Variants in WDR5B observed in about 807,000 individuals in gnomAD.
WDR5B encodes WD repeat-containing protein 5B.
A neutral mutation model predicts 24.0 loss-of-function variants in WDR5B; 17 were observed. The ratio of observed to expected loss-of-function variants is 0.71; its 90% CI spans 0.49 to 1.06. The LOEUF is 1.06. WDR5B is among the 50% of genes least tolerant of loss of function. WDR5B has a pLI of 0.00. For synonymous variants in WDR5B, 150 were observed against 146.4 expected, an observed-to-expected ratio of 1.02 and a Z score of -0.18; for missense variants, 368 against 384.1, an observed-to-expected ratio of 0.96 and a Z score of 0.35.
In WDR5B at chr3:122,415,537, A is replaced by G; in HGVS notation, c.-9T>C. The G allele has an allele frequency of 6.2e-7, 1 of 1,602,804 alleles. No individual in the cohort carries two copies. The highest frequency in any genetic ancestry group is 1.7e-5 in the Admixed American group (1 of 58,580). On this transcript the variant is annotated 5_prime_UTR_variant, in exon 1 of 1. Coordinates refer to ENST00000330689, the MANE Select transcript of WDR5B (RefSeq NM_019069.4). ...GACTCCTTGGTTGCCATGGCTCTGAAGCTCCAAGTTAGCAGGTGTACTAGG... is the reference window on the plus strand; with the variant it reads ...GACTCCTTGGTTGCCATGGCTCTGAGGCTCCAAGTTAGCAGGTGTACTAGG...
In WDR5B at chr3:122,411,982, G is replaced by A. The variant is rs1307071971; in HGVS notation, c.*2554C>T. 3 of 152,054 alleles carry A rather than the reference G, an allele frequency of 2.0e-5. No homozygotes were observed. Among genetic ancestry groups the A allele is most frequent in the African/African-American group, 7.2e-5 (3 of 41,390 alleles). The allele number at this position is 152,054 out of a possible 1,614,324, so 9.4% of individuals were successfully genotyped here. On this transcript the variant is annotated 3_prime_UTR_variant, in exon 1 of 1. Coordinates refer to ENST00000330689, the MANE Select transcript of WDR5B (RefSeq NM_019069.4). ...TAACATATAGTGACTATCTCTTTAT[G>A]GGTTAAATATCAGTTTCTTGGCCAG...
At position 122,415,151 on chromosome 3, in the gene WDR5B, A is replaced by T; in HGVS notation, c.378T>A (p.Asn126Lys). Residue 126 changes from asparagine (N) to lysine (K), a missense_variant, in exon 1 of 1, where the codon AAT becomes AAA. Asn to Lys is a moderately conservative substitution (Grantham distance 94, BLOSUM62 0). Coordinates refer to ENST00000330689, the MANE Select transcript of WDR5B (RefSeq NM_019069.4). The stretch of plus-strand genomic sequence containing the variant: ...GATTGAAGTTACAACAAAAGACATA[A>T]TTACTGTGCCCCTTCAGTGTTTTCA... ...KCLKTLKGHSNYVFCCNFNPP... is the reference protein window; with the variant it reads ...KCLKTLKGHSKYVFCCNFNPP... 6.2e-7 allele frequency: 1 copy of T among 1,614,218 alleles called. No individual in the cohort carries two copies. Among genetic ancestry groups the T allele is most frequent in the South Asian group, 1.1e-5 (1 of 91,088 alleles).
In WDR5B at chr3:122,414,325, C is replaced by T. The variant is rs980802773; in HGVS notation, c.*211G>A. ...AAGTGACATAAATCCATAAAAATTA[C>T]AAAAAGTTGCTCAAAAAAGATTGGT... On this transcript the variant is annotated 3_prime_UTR_variant, in exon 1 of 1. Coordinates refer to ENST00000330689, the MANE Select transcript of WDR5B (RefSeq NM_019069.4). 3 of 642,352 alleles carry T rather than the reference C, an allele frequency of 4.7e-6. No individual in the cohort carries two copies. Among genetic ancestry groups the T allele is most frequent in the Non-Finnish European group, 7.7e-6 (3 of 388,176 alleles). The allele number at this position is 642,352 out of a possible 1,614,324, so 39.8% of individuals were successfully genotyped here.
At position 122,412,148 on chromosome 3, in the gene WDR5B, A is replaced by C. The variant is rs1435306770; in HGVS notation, c.*2388T>G. 6.6e-6 allele frequency: 1 copy of C among 152,182 alleles called. No individual in the cohort carries two copies. The highest frequency in any genetic ancestry group is 6.5e-5 in the Admixed American group (1 of 15,274). 9.4% of individuals were successfully genotyped at this position (152,182 alleles called of 1,614,324 possible). ...AATGAGCACTACTATAAGGTACCAC[A>C]AACTACAAAAGGAGACAGTTTTGCC... On this transcript the variant is annotated 3_prime_UTR_variant, in exon 1 of 1. Transcript: ENST00000330689.
In WDR5B at chr3:122,412,505, C is replaced by G. The variant is rs1576256006; in HGVS notation, c.*2031G>C. ...GAATACAGAGACATACTTCCTGATT[C>G]CACAGAACTCATAATCTGGAAGCAC... On this transcript the variant is annotated 3_prime_UTR_variant, in exon 1 of 1. Transcript: ENST00000330689. The G allele has an allele frequency of 6.6e-6, 1 of 152,178 alleles. No homozygotes were observed. Among genetic ancestry groups the G allele is most frequent in the African/African-American group, 2.4e-5 (1 of 41,454 alleles). The allele number at this position is 152,178 out of a possible 1,614,324, so 9.4% of individuals were successfully genotyped here.
In WDR5B at chr3:122,414,469, G is replaced by T. The variant is rs554170918; in HGVS notation, c.*67C>A. The T allele has an allele frequency of 9.8e-5, 149 of 1,514,658 alleles. No homozygotes were observed. The African/African-American group carries it at 2.0e-3, about 20-fold the overall frequency. 93.8% of individuals were successfully genotyped at this position (1,514,658 alleles called of 1,614,324 possible). A position where few individuals can be genotyped will look rare whatever the true frequency, so the allele number is the denominator to read the frequency against. On this transcript the variant is annotated 3_prime_UTR_variant, in exon 1 of 1. Transcript: ENST00000330689. ...AAATACCAAACTGCCAAAATTAAAA[G>T]AAACCGTCTTTTTAAATATCCAAGT... is the stretch of plus-strand genomic sequence containing the variant.
Position 122,414,865 on chromosome 3 carries a change from C to A in WDR5B, c.664G>T (p.Gly222Cys), listed in dbSNP as rs1204424597. ...AAAGTTGCAGTGAGAATGTATTTAC[C>A]ATTTGGAGAAAATTTTACAAAAGAG... ...PVSFVKFSPN[G>C]KYILTATLDN... The change falls in exon 1 of 1, where the codon GGT (glycine) becomes TGT (cysteine). Residue 222 changes from glycine (G) to cysteine (C), a missense_variant. Physicochemically the swap from Gly to Cys is radical, Grantham distance 159 (BLOSUM62 -3). Coordinates refer to ENST00000330689, the MANE Select transcript of WDR5B (RefSeq NM_019069.4). 5 of 1,613,960 alleles carry A rather than the reference C, an allele frequency of 3.1e-6. No homozygotes were observed. Among genetic ancestry groups the A allele is most frequent in the Non-Finnish European group, 8.5e-7 (1 of 1,180,042 alleles).
In WDR5B at chr3:122,413,671, A is replaced by C. The variant is rs190745618; in HGVS notation, c.*865T>G. 5.3e-5 allele frequency: 8 copies of C among 152,328 alleles called. No homozygotes were observed. The highest frequency in any genetic ancestry group is 1.9e-4 in the African/African-American group (8 of 41,572). 9.4% of individuals were successfully genotyped at this position (152,328 alleles called of 1,614,324 possible). A position where few individuals can be genotyped will look rare whatever the true frequency, so the allele number is the denominator to read the frequency against. Reference sequence around the variant, plus strand: ...CTGTGGGGAGGAATGTACATTTTACAACCTCTGGAAAACAGTATGGAGATT... The same window carrying C: ...CTGTGGGGAGGAATGTACATTTTACCACCTCTGGAAAACAGTATGGAGATT... On this transcript the variant is annotated 3_prime_UTR_variant, in exon 1 of 1. Coordinates refer to ENST00000330689, the MANE Select transcript of WDR5B (RefSeq NM_019069.4).
At position 122,413,954 on chromosome 3, in the gene WDR5B, T is replaced by C. The variant is rs1419029796; in HGVS notation, c.*582A>G. ...GGATAATGTGGTGTATATACTTATA[T>C]ACATACACATACACATATATGCATA... On this transcript the variant is annotated 3_prime_UTR_variant, in exon 1 of 1. Transcript: ENST00000330689. 4 of 153,532 alleles carry C rather than the reference T, an allele frequency of 2.6e-5. No homozygotes were observed. Among genetic ancestry groups the C allele is most frequent in the Non-Finnish European group, 5.8e-5 (4 of 69,196 alleles). 9.5% of individuals were successfully genotyped at this position (153,532 alleles called of 1,614,324 possible).
Position 122,415,137 on chromosome 3 carries a change from C to A in WDR5B, c.392G>T (p.Cys131Phe), listed in dbSNP as rs1356104851. The A allele has an allele frequency of 6.2e-7, 1 of 1,614,074 alleles. No homozygotes were observed. The highest frequency in any genetic ancestry group is 1.3e-5 in the African/African-American group (1 of 74,930). The change falls in exon 1 of 1, where the codon TGT becomes TTT. Residue 131 changes from cysteine to phenylalanine, a missense_variant. Physicochemically the swap from Cys to Phe is radical, Grantham distance 205. Transcript: ENST00000330689. Reference protein sequence around the residue: ...LKGHSNYVFCCNFNPPSNLII... With the variant: ...LKGHSNYVFCFNFNPPSNLII... Reference sequence around the variant, plus strand: ...AAGGTTGGATGGCGGATTGAAGTTACAACAAAAGACATAATTACTGTGCCC... The same window carrying A: ...AAGGTTGGATGGCGGATTGAAGTTAAAACAAAAGACATAATTACTGTGCCC...
In WDR5B at chr3:122,412,729, G is replaced by C. The variant is rs1024929930; in HGVS notation, c.*1807C>G. 3 of 152,190 alleles carry C rather than the reference G, an allele frequency of 2.0e-5. No individual in the cohort carries two copies. Among genetic ancestry groups the C allele is most frequent in the Non-Finnish European group, 4.4e-5 (3 of 68,036 alleles). The allele number at this position is 152,190 out of a possible 1,614,324, so 9.4% of individuals were successfully genotyped here. ...AAGAGCAGTCTTCATCAGACATTTA[G>C]CTTGCCTGAAAATCACAAGCACAAT... On this transcript the variant is annotated 3_prime_UTR_variant, in exon 1 of 1. Transcript: ENST00000330689.
Position 122,412,504 on chromosome 3 carries a change from T to A in WDR5B, c.*2032A>T, listed in dbSNP as rs2075710456. 1 of 152,208 alleles carries A rather than the reference T, an allele frequency of 6.6e-6. No homozygotes were observed. The highest frequency in any genetic ancestry group is 1.5e-5 in the Non-Finnish European group (1 of 68,036). The allele number at this position is 152,208 out of a possible 1,614,324, so 9.4% of individuals were successfully genotyped here. On this transcript the variant is annotated 3_prime_UTR_variant, in exon 1 of 1. Transcript: ENST00000330689. Reference sequence around the variant, plus strand: ...AGAATACAGAGACATACTTCCTGATTCCACAGAACTCATAATCTGGAAGCA... The same window carrying A: ...AGAATACAGAGACATACTTCCTGATACCACAGAACTCATAATCTGGAAGCA...
Position 122,414,694 on chromosome 3 carries a change from C to A in WDR5B, c.835G>T (p.Val279Phe). 6.2e-7 allele frequency: 1 copy of A among 1,614,178 alleles called. No individual in the cohort carries two copies. The highest frequency in any genetic ancestry group is 8.5e-7 in the Non-Finnish European group (1 of 1,180,040). ...TTAGTCTGAAGGTTCCAAATGTAAA[C>A]CAGGTTATCCTCGGAACCAGACACA... is the stretch of plus-strand genomic sequence containing the variant. ...WIVSGSEDNLVYIWNLQTKEI... is the reference protein window; with the variant it reads ...WIVSGSEDNLFYIWNLQTKEI... The change falls in exon 1 of 1, where the codon GTT (valine) becomes TTT (phenylalanine). Residue 279 changes from valine to phenylalanine, a missense_variant. By Grantham distance (50) the Val-to-Phe change is conservative (BLOSUM62 -1). Transcript: ENST00000330689.
chr3:122,415,540 T>TC lies in WDR5B; in HGVS notation c.-13dup. 4 of 1,600,186 alleles carry TC rather than the reference T, an allele frequency of 2.5e-6. 1 individual carries two copies. The South Asian group carries it at 3.4e-5, about 13-fold the overall frequency. On this transcript the variant is annotated 5_prime_UTR_variant, in exon 1 of 1. Transcript: ENST00000330689. ...TCCTTGGTTGCCATGGCTCTGAAGCTCCAAGTTAGCAGGTGTACTAGGCGT... is the reference window on the plus strand; with the variant it reads ...TCCTTGGTTGCCATGGCTCTGAAGCTCCCAAGTTAGCAGGTGTACTAGGCGT...
rs1560005806 is a variant in WDR5B, at chr3:122,415,234, C to A, written c.295G>T (p.Val99Phe). The A allele has an allele frequency of 1.9e-6, 3 of 1,614,204 alleles. No individual in the cohort carries two copies. In the South Asian group the frequency reaches 3.3e-5, roughly 18 times the overall value. Residue 99 changes from valine (V) to phenylalanine (F), a missense_variant, in exon 1 of 1, where the codon GTT becomes TTT. Coordinates refer to ENST00000330689, the MANE Select transcript of WDR5B (RefSeq NM_019069.4). ...VAWSSDSSRL[V>F]SASDDKTLKL... ...AGAGTTTTATCATCTGAGGCAGAAACAAGACGACTGGAATCTGATGACCAG... is the reference window on the plus strand; with the variant it reads ...AGAGTTTTATCATCTGAGGCAGAAAAAAGACGACTGGAATCTGATGACCAG...
At position 122,414,611 on chromosome 3, in the gene WDR5B, A is replaced by C; in HGVS notation, c.918T>G (p.His306Gln). Residue 306 changes from histidine (H) to glutamine (Q), a missense_variant, in exon 1 of 1, where the codon CAT (histidine) becomes CAG (glutamine). Coordinates refer to ENST00000330689, the MANE Select transcript of WDR5B (RefSeq NM_019069.4). ...HTDVVISAACHPTENLIASAA... is the reference protein window; with the variant it reads ...HTDVVISAACQPTENLIASAA... ...CTGATGCGATGAGGTTTTCTGTAGG[A>C]TGACAAGCTGCTGAGATCACAACAT... The C allele has an allele frequency of 1.2e-6, 2 of 1,614,214 alleles. No individual in the cohort carries two copies. Among genetic ancestry groups the C allele is most frequent in the South Asian group, 2.2e-5 (2 of 91,086 alleles).
rs1312034108 is a variant in WDR5B at position 122,413,788 on chromosome 3, T to C, written c.*748A>G. ...ATTTTAAAATCACCTGCACTGTTTATCGCAGCACTATTCATAATAGTGCTG... is the reference window on the plus strand; with the variant it reads ...ATTTTAAAATCACCTGCACTGTTTACCGCAGCACTATTCATAATAGTGCTG... On this transcript the variant is annotated 3_prime_UTR_variant, in exon 1 of 1. Coordinates refer to ENST00000330689, the MANE Select transcript of WDR5B (RefSeq NM_019069.4). 3 of 152,150 alleles carry C rather than the reference T, an allele frequency of 2.0e-5. No homozygotes were observed. Among genetic ancestry groups the C allele is most frequent in the Non-Finnish European group, 4.4e-5 (3 of 68,032 alleles). 9.4% of individuals were successfully genotyped at this position (152,150 alleles called of 1,614,324 possible). A position where few individuals can be genotyped will look rare whatever the true frequency, so the allele number is the denominator to read the frequency against.
rs1235618236 is a variant in WDR5B at position 122,412,631 on chromosome 3, T to C, written c.*1905A>G. 1 of 152,256 alleles carries C rather than the reference T, an allele frequency of 6.6e-6. No homozygotes were observed. Among genetic ancestry groups the C allele is most frequent in the African/African-American group, 2.4e-5 (1 of 41,454 alleles). The allele number at this position is 152,256 out of a possible 1,614,324, so 9.4% of individuals were successfully genotyped here. A position where few individuals can be genotyped will look rare whatever the true frequency, so the allele number is the denominator to read the frequency against. On this transcript the variant is annotated 3_prime_UTR_variant, in exon 1 of 1. Coordinates refer to ENST00000330689, the MANE Select transcript of WDR5B (RefSeq NM_019069.4). The stretch of plus-strand genomic sequence containing the variant: ...TGGTTGCAGGCAGGCCGGCAGTGGA[T>C]GGTTCCTTCAGTGATTTCTGAACTG...
At position 122,412,332 on chromosome 3, in the gene WDR5B, T is replaced by C. The variant is rs2075709613; in HGVS notation, c.*2204A>G. 6.6e-6 allele frequency: 1 copy of C among 152,206 alleles called. No individual in the cohort carries two copies. The highest frequency in any genetic ancestry group is 1.5e-5 in the Non-Finnish European group (1 of 68,028). The allele number at this position is 152,206 out of a possible 1,614,324, so 9.4% of individuals were successfully genotyped here. A position where few individuals can be genotyped will look rare whatever the true frequency, so the allele number is the denominator to read the frequency against. On this transcript the variant is annotated 3_prime_UTR_variant, in exon 1 of 1. Coordinates refer to ENST00000330689, the MANE Select transcript of WDR5B (RefSeq NM_019069.4). ...GTTTGAATAAAGTTAATGTGTGAGG[T>C]TACGGTTACTTTTTATTTTTAATCA...
Sources: gnomAD v4.1 joint callset for allele counts on GRCh38, gnomAD v4.1.1 for gene constraint, MANE v1.5 for transcripts, NCBI Gene and HGNC (gene_info 2026-07-23, HGNC 2026-07-21) for gene names.